RARB: variants seen among roughly 807,000 people sequenced by gnomAD.
RARB encodes retinoic acid receptor beta, also known as HBV-activated protein.
RARB carries 17 observed loss-of-function variants against 51.9 expected under a neutral mutation model. The observed-to-expected ratio is 0.33, with a 90% CI of 0.22 to 0.49. The LOEUF is 0.49. Ranked by LOEUF, RARB falls within the 20% of genes least tolerant of loss-of-function variation. The pLI, the probability that RARB is intolerant of heterozygous loss-of-function variation, is 0.99. For missense variants in RARB, 369 were observed against 550.8 expected, an observed-to-expected ratio of 0.67 and a Z score of 3.30; for synonymous variants, 215 against 195.4, an observed-to-expected ratio of 1.10 and a Z score of -0.84.
chr3:25,186,892 T>TGC (rs1377398603), intron 5 of RARB, among the ~76,000 whole-genome samples: 9 of 113,960 alleles, frequency 7.9e-5, no homozygotes, highest in Non-Finnish European at 1.6e-4. Flanking sequence ...AGCCTGTGTG[T>TGC]GTGTGTGTGT....
chr3:24,984,554 A>T (rs1273764129), intron 2 of RARB, among the ~76,000 whole-genome samples: 1 of 152,232 alleles, frequency 6.6e-6, no homozygotes, highest in East Asian at 1.9e-4. Context: ...AAAACCGAAT[A>T]CACAGAGAGT....
intron 2 of RARB, among the ~76,000 whole-genome samples, chr3:25,488,921 T>A (rs34502886): frequency 6.6e-6 from 1 of 152,000 alleles, no homozygotes; most frequent in Non-Finnish European, 1.5e-5. Flanking sequence ...GAGACTGTTT[T>A]TCCCCTTCTC....
chr3:25,420,288 C>T (rs1184151987), intron 5 of RARB, among the ~76,000 whole-genome samples: 6 of 152,180 alleles, frequency 3.9e-5, no homozygotes, highest in Non-Finnish European at 7.3e-5. Flanking sequence ...CCAACTGCCC[C>T]TCTGATGTGT....
rs201595606 is a variant in RARB at position 24,903,260 on chromosome 3, AAAT to A, written c.-380+44515_-380+44517del. On this transcript the variant is annotated intron_variant, in intron 2 of 11. Coordinates refer to the RARB transcript ENST00000383772. ...AATGATGCATTGGTACAGAAATAGG[AAAT>A]AATAATCATAAAAATATGACATTAA... Among the ~76,000 whole-genome samples, 977 of 152,272 alleles carry A rather than the reference AAAT, an allele frequency of 6.4e-3. 9 individuals are homozygous for A. Among genetic ancestry groups the A allele is most frequent in the African/African-American group, 0.022 (911 of 41,572 alleles).
At chr3:25,081,339 T>C (rs1034349909) in intron 3 of RARB, among the ~76,000 whole-genome samples, 2 of 151,732 alleles carry the variant, frequency 1.3e-5, no homozygotes, top group Non-Finnish European at 2.9e-5. Context: ...CAGCATACAG[T>C]GTATCTCATG....
At chr3:25,358,667 T>C (rs898938763) in intron 5 of RARB, among the ~76,000 whole-genome samples, 3 of 152,216 alleles carry the variant, frequency 2.0e-5, no homozygotes, top group African/African-American at 7.2e-5. Flanking sequence ...ATACCTAGTT[T>C]ATTGAATGTT....
At chr3:25,569,704 G>T (rs1336866039) in intron 3 of RARB, 54 bp from the exon 4 acceptor site, 2 of 1,566,272 alleles carry the variant, frequency 1.3e-6, no homozygotes, top group African/African-American at 2.7e-5. Context: ...CCCAGCTCAG[G>T]AGCACAGGCC....
At chr3:25,461,421 T>A in intron 2 of RARB, 80 bp downstream of exon 2, 1 of 1,489,760 alleles carries the variant, frequency 6.7e-7, no homozygotes, top group Middle Eastern at 1.8e-4. Context: ...GTTCCAAAAA[T>A]GGGCTGGATG....
intron 2 of RARB, among the ~76,000 whole-genome samples, chr3:24,918,025 A>C (rs966863980): frequency 6.6e-6 from 1 of 152,252 alleles, no homozygotes; most frequent in Non-Finnish European, 1.5e-5. Context: ...AACATCATGC[A>C]ACCCAGCAAG....
intron 3 of RARB, among the ~76,000 whole-genome samples, chr3:25,532,771 C>T (rs940479806): frequency 6.6e-6 from 1 of 152,216 alleles, no homozygotes; most frequent in Non-Finnish European, 1.5e-5. Context: ...GAGAATTTAA[C>T]TTCATTCTTT....
intron 5 of RARB, among the ~76,000 whole-genome samples, chr3:25,180,767 A>C (rs1449607838): frequency 6.6e-6 from 1 of 152,216 alleles, no homozygotes; most frequent in Admixed American, 6.5e-5. Context: ...GGGAGAAGGA[A>C]AGAGGAAGGG....
chr3:25,127,872 C>T (rs1363250235), intron 3 of RARB, among the ~76,000 whole-genome samples: 2 of 152,074 alleles, frequency 1.3e-5, no homozygotes, highest in Non-Finnish European at 2.9e-5. Context: ...TAGTTCACTT[C>T]TGTGTTGAGT....
At chr3:25,408,764 A>G (rs527704496) in intron 5 of RARB, among the ~76,000 whole-genome samples, 2 of 152,318 alleles carry the variant, frequency 1.3e-5, no homozygotes, top group East Asian at 3.9e-4. Flanking sequence ...GGCCAAGTGC[A>G]GTGGCTCATG....
chr3:25,490,075 C>A (rs1239416698), intron 2 of RARB, among the ~76,000 whole-genome samples: 2 of 152,114 alleles, frequency 1.3e-5, no homozygotes, highest in African/African-American at 4.8e-5. Flanking sequence ...CCAATAAATC[C>A]CTGTTATTTT....
At chr3:24,982,330 G>C (rs1337367239) in intron 2 of RARB, among the ~76,000 whole-genome samples, 6 of 152,184 alleles carry the variant, frequency 3.9e-5, no homozygotes, top group African/African-American at 7.2e-5. Context: ...TCCAAATCCT[G>C]GTTGATTTCT....
intron 5 of RARB, among the ~76,000 whole-genome samples, chr3:25,191,376 C>T (rs1169801200): frequency 6.6e-6 from 1 of 151,994 alleles, no homozygotes. Flanking sequence ...TTTATTCCAC[C>T]TTATAATGTG....
At chr3:25,155,718 A>T (rs1235982136) in intron 4 of RARB, among the ~76,000 whole-genome samples, 2 of 151,840 alleles carry the variant, frequency 1.3e-5, no homozygotes, top group African/African-American at 4.8e-5. Flanking sequence ...CAGCAATAGG[A>T]CTCTTTCCAC....
chr3:25,118,429 A>G (rs1375880208), intron 3 of RARB, among the ~76,000 whole-genome samples: 4 of 152,144 alleles, frequency 2.6e-5, no homozygotes, highest in Non-Finnish European at 4.4e-5. Flanking sequence ...ACTTTTGTTA[A>G]ACAGTACGTA....
chr3:24,908,351 C>A (rs773432811), intron 2 of RARB, among the ~76,000 whole-genome samples: 2 of 151,862 alleles, frequency 1.3e-5, no homozygotes, highest in African/African-American at 4.8e-5. Flanking sequence ...AAATATGTAC[C>A]AGTAGAATCT....
Sources: gnomAD v4.1 joint callset for allele counts (sites outside exome capture counted in the v4.1 genomes callset) on GRCh38, gnomAD v4.1.1 for gene constraint, MANE v1.5 for transcripts, NCBI Gene and HGNC (gene_info 2026-07-23, HGNC 2026-07-21) for gene names.